CEP128: variants seen among roughly 807,000 people sequenced by gnomAD.
CEP128 encodes the protein centrosomal protein 128kDa.
Under a neutral mutation model 156.7 loss-of-function variants are expected in CEP128, and 132 were observed. That is an observed-to-expected ratio of 0.84 (90% CI 0.73 to 0.97). The LOEUF is 0.97. Among genes scored for constraint, CEP128 ranks in the 50% least tolerant of loss-of-function variants. The probability of loss-of-function intolerance (pLI) is 0.00; values close to 1 mark genes in which losing one functional copy is unlikely to be tolerated. For synonymous variants in CEP128, 469 were observed against 448.9 expected (o/e 1.04, Z -0.57); for missense variants, 1,252 against 1,281.9 (o/e 0.98, Z 0.36).
At chr14:80,528,072 T>C (rs763089637) in intron 22 of CEP128, among the ~76,000 whole-genome samples, 19 of 151,532 alleles carry the variant, frequency 1.3e-4, no homozygotes, top group Non-Finnish European at 2.5e-4. Context: ...ACTTACTGAG[T>C]GTTCAAGCTA....
intron 19 of CEP128, among the ~76,000 whole-genome samples, chr14:80,721,006 C>T (rs531377658): frequency 6.6e-6 from 1 of 152,166 alleles, no homozygotes; most frequent in South Asian, 2.1e-4. Context: ...TTATCTGTTA[C>T]CCAGGTGCAT....
At chr14:80,703,575 T>C (rs944169068) in intron 19 of CEP128, among the ~76,000 whole-genome samples, 1 of 152,044 alleles carries the variant, frequency 6.6e-6, no homozygotes, top group African/African-American at 2.4e-5. Context: ...TAATAGTAAT[T>C]TCCAATTCAA....
At chr14:80,831,751 T>A (rs1405068971) in intron 12 of CEP128, among the ~76,000 whole-genome samples, 1 of 152,240 alleles carries the variant, frequency 6.6e-6, no homozygotes, top group Non-Finnish European at 1.5e-5. Flanking sequence ...CTTACTCATC[T>A]GGAGATTATT....
intron 6 of CEP128, among the ~76,000 whole-genome samples, chr14:80,900,432 T>C (rs1200225049): frequency 6.6e-6 from 1 of 152,258 alleles, no homozygotes; most frequent in East Asian, 1.9e-4. Context: ...TCACAGTTAA[T>C]CTTGCCACTG....
At chr14:80,941,389 G>A (rs945531087) in intron 1 of CEP128, among the ~76,000 whole-genome samples, 192 bp downstream of exon 1, 4 of 152,128 alleles carry the variant, frequency 2.6e-5, no homozygotes, top group African/African-American at 7.2e-5. Context: ...TGCCGAGGGA[G>A]GGAGGCCTCG....
At chr14:80,662,885 A>G (rs2596114) in intron 19 of CEP128, among the ~76,000 whole-genome samples, 116,488 of 152,094 alleles carry the variant, frequency 0.77, 45,540 homozygotes, top group African/African-American at 0.94. Flanking sequence ...AAACAAATGT[A>G]GCTACCAAGT....
chr14:80,905,791 C>G lies in CEP128; in HGVS notation c.361+164G>C, dbSNP rs28695726. ...AAACAATATAACAACAAAGACCCTT[C>G]AATATATTTCAAAGCATGTACTATA... is the stretch of plus-strand genomic sequence containing the variant. On this transcript the variant is annotated intron_variant, in intron 5 of 24. Transcript: ENST00000555265. 6,118 of 605,118 alleles carry G rather than the reference C, an allele frequency of 0.01. 299 individuals are homozygous for G. The African/African-American group carries it at 0.11, about 10-fold the overall frequency. The allele number at this position is 605,118 out of a possible 1,614,324, so 37.5% of individuals were successfully genotyped here.
intron 19 of CEP128, among the ~76,000 whole-genome samples, chr14:80,685,549 C>T (rs549892111): frequency 7.9e-5 from 12 of 152,036 alleles, no homozygotes; most frequent in Non-Finnish European, 1.6e-4. Flanking sequence ...AACGTTATTC[C>T]TCTATCAAGC....
chr14:80,625,152 GTTTCCCAGAACTCTTT>G (rs940042765), intron 19 of CEP128, among the ~76,000 whole-genome samples: 13 of 152,136 alleles, frequency 8.5e-5, no homozygotes, highest in Non-Finnish European at 1.6e-4. Context: ...TGGATACCCA[GTTTCCCAGAACTCTTT>G]ATTAACGAGG....
intron 20 of CEP128, among the ~76,000 whole-genome samples, chr14:80,562,971 G>A (rs1256559832): frequency 6.6e-6 from 1 of 151,772 alleles, no homozygotes; most frequent in Non-Finnish European, 1.5e-5. Flanking sequence ...GGCCAATACT[G>A]TCAAAGCTTT....
intron 14 of CEP128, among the ~76,000 whole-genome samples, chr14:80,788,073 C>T (rs1298022550): frequency 6.6e-6 from 1 of 152,116 alleles, no homozygotes; most frequent in Non-Finnish European, 1.5e-5. Context: ...AATACAGATA[C>T]TAAAAACTAA....
At chr14:80,772,856 T>TACCGTGTAAACTCTGAG (rs771210470) in intron 16 of CEP128, among the ~76,000 whole-genome samples, 1 of 152,222 alleles carries the variant, frequency 6.6e-6, no homozygotes, top group Non-Finnish European at 1.5e-5. Context: ...AGTCCAGTGC[T>TACCGTGTAAACTCTGAG]ACCGTGTAAA....
chr14:80,929,532 A>C (rs1405337908), intron 2 of CEP128, among the ~76,000 whole-genome samples: 1 of 152,196 alleles, frequency 6.6e-6, no homozygotes, highest in Non-Finnish European at 1.5e-5. Flanking sequence ...ATGGAATACT[A>C]CTCAGCCATA....
intron 2 of CEP128, among the ~76,000 whole-genome samples, chr14:80,933,213 C>T (rs758828214): frequency 1.3e-5 from 2 of 152,166 alleles, no homozygotes; most frequent in Non-Finnish European, 2.9e-5. Flanking sequence ...CTTCCAGCGT[C>T]ACTCCGCCTT....
intron 19 of CEP128, among the ~76,000 whole-genome samples, chr14:80,740,863 G>A (rs892383061): frequency 6.6e-6 from 1 of 152,102 alleles, no homozygotes; most frequent in African/African-American, 2.4e-5. Flanking sequence ...ACACGCTGCT[G>A]GGAATGACTA....
rs1352640993 is a variant in CEP128 at position 80,904,916 on chromosome 14, G to A, written c.377C>T (p.Pro126Leu). 4.4e-6 allele frequency: 7 copies of A among 1,577,658 alleles called. No homozygotes were observed. Among genetic ancestry groups the A allele is most frequent in the Non-Finnish European group, 6.1e-6 (7 of 1,146,902 alleles). The change falls in exon 6 of 25, where the codon CCA becomes CTA. Residue 126 changes from proline (P) to leucine (L), a missense_variant. Transcript: ENST00000555265. ...ATAGTCCTTGAGAGGTGAGGTAGGTGGAAAATGATGGAGCTCTTCACAAGT... is the reference window on the plus strand; with the variant it reads ...ATAGTCCTTGAGAGGTGAGGTAGGTAGAAAATGATGGAGCTCTTCACAAGT... The part of the protein sequence containing the change: ...GGTGSELHHF[P>L]PTSPLKDYGD...
At chr14:80,736,523 C>T (rs1009942682) in intron 19 of CEP128, among the ~76,000 whole-genome samples, 3 of 152,012 alleles carry the variant, frequency 2.0e-5, no homozygotes, top group African/African-American at 4.8e-5. Flanking sequence ...CACACATACA[C>T]ACACACACAC....
chr14:80,847,060 T>C (rs1452772709), intron 9 of CEP128, among the ~76,000 whole-genome samples: 1 of 152,138 alleles, frequency 6.6e-6, no homozygotes, highest in Non-Finnish European at 1.5e-5. Context: ...AAGTATCAAG[T>C]ACAAGGTTGA....
At chr14:80,568,012 C>T in intron 20 of CEP128, among the ~76,000 whole-genome samples, 1 of 151,926 alleles carries the variant, frequency 6.6e-6, no homozygotes, top group Admixed American at 6.6e-5. Context: ...ATGCCCTGAA[C>T]TCCTATGCAA....
Sources: allele counts gnomAD v4.1 joint callset (sites outside exome capture counted in the v4.1 genomes callset), GRCh38; gene constraint gnomAD v4.1.1; transcripts MANE v1.5; gene names NCBI Gene and HGNC (gene_info 2026-07-23, HGNC 2026-07-21).